Variants in CLASP2 observed in about 807,000 individuals in gnomAD.
CLASP2 encodes the protein cytoplasmic linker associated protein 2.
A neutral mutation model predicts 194.4 loss-of-function variants in CLASP2; 47 were observed. The observed-to-expected ratio is 0.24, with a 90% CI of 0.19 to 0.31. The LOEUF is 0.31. Ranked by LOEUF, CLASP2 falls within the 10% of genes least tolerant of loss-of-function variation. The pLI is 1.00. For synonymous variants in CLASP2, 619 were observed against 633.5 expected, an observed-to-expected ratio of 0.98 and a Z score of 0.34; for missense variants, 1,445 against 1,823.6, an observed-to-expected ratio of 0.79 and a Z score of 3.78.
chr3:33,683,827 C>T (rs2090197154), intron 6 of CLASP2, among the ~76,000 whole-genome samples: 1 of 150,152 alleles, frequency 6.7e-6, no homozygotes, highest in Non-Finnish European at 1.5e-5. Flanking sequence ...GTAGTCCCAG[C>T]TACTTGGGAG....
intron 6 of CLASP2, among the ~76,000 whole-genome samples, chr3:33,673,200 G>A (rs961671400): frequency 2.0e-5 from 3 of 152,150 alleles, no homozygotes; most frequent in Non-Finnish European, 4.4e-5. Context: ...GAGAAAGGTC[G>A]GGTTACCCAC....
At chr3:33,575,753 CTTTCT>C (rs1415948572) in intron 24 of CLASP2, among the ~76,000 whole-genome samples, 2 of 151,686 alleles carry the variant, frequency 1.3e-5, no homozygotes, top group Non-Finnish European at 2.9e-5. Flanking sequence ...TGAGGTTGTA[CTTTCT>C]TTTAGTTCAA....
intron 27 of CLASP2, among the ~76,000 whole-genome samples, chr3:33,566,286 T>G (rs1480877256): frequency 1.3e-5 from 2 of 152,224 alleles, no homozygotes; most frequent in Non-Finnish European, 2.9e-5. Context: ...GGAATGACAT[T>G]AATAAAATGT....
At chr3:33,634,768 T>C (rs1484796551) in intron 8 of CLASP2, among the ~76,000 whole-genome samples, 3 of 152,152 alleles carry the variant, frequency 2.0e-5, no homozygotes, top group Non-Finnish European at 2.9e-5. Context: ...TTTCAAAACA[T>C]GTGGTACACA....
intron 12 of CLASP2, among the ~76,000 whole-genome samples, chr3:33,614,904 T>C (rs149248457): frequency 2.3e-4 from 35 of 152,146 alleles, no homozygotes; most frequent in East Asian, 1.6e-3. Context: ...GGCAGAAGAA[T>C]AGCTTGAACC....
At chr3:33,581,995 A>T in intron 22 of CLASP2, 67 bp from the exon 23 acceptor site, 1 of 1,206,824 alleles carries the variant, frequency 8.3e-7, no homozygotes, top group African/African-American at 1.5e-5. Context: ...ATTTTAAAAA[A>T]TTTTGTTTTT....
intron 21 of CLASP2, among the ~76,000 whole-genome samples, chr3:33,589,395 A>G (rs1471157694): frequency 1.3e-5 from 2 of 152,156 alleles, no homozygotes; most frequent in Non-Finnish European, 2.9e-5. Context: ...TGATACAAAG[A>G]TATGGTAAGA....
rs1212115209 is a variant in CLASP2 at position 33,501,757 on chromosome 3, A to G, written c.4329T>C (p.Asn1443=). ...AAGCTTTCCGAACACTGCTCTCTGAATTATCATAACCCTACGGAGAGAAGT... is the reference window on the plus strand; with the variant it reads ...AAGCTTTCCGAACACTGCTCTCTGAGTTATCATAACCCTACGGAGAGAAGT... ...IMPGLIQGYD[N]SESSVRKACV... The change falls in exon 38 of 39, where the codon AAT becomes AAC. Residue 1443 remains asparagine (N), a synonymous_variant. Transcript: ENST00000682230. The G allele has an allele frequency of 6.2e-7, 1 of 1,611,990 alleles. No individual in the cohort carries two copies. Among genetic ancestry groups the G allele is most frequent in the South Asian group, 1.1e-5 (1 of 91,024 alleles).
At position 33,560,933 on chromosome 3, in the gene CLASP2, T is replaced by C. The variant is rs1439469049; in HGVS notation, c.2805A>G (p.Ile935Met). ...CTTGAAGATCATCTTTGTGGACTTG[T>C]ATGAAATCCACTAGAGTCTCCAAAA... Reference protein sequence around the residue: ...SMFLETLVDFIQVHKDDLQDW... With the variant: ...SMFLETLVDFMQVHKDDLQDW... Residue 935 changes from isoleucine to methionine, a missense_variant, in exon 28 of 39, where the codon ATA becomes ATG. Around this residue, in one of 4 missense-constraint regions of CLASP2, gnomAD observed 732 missense variants for 987.9 expected, o/e 0.74. Coordinates refer to ENST00000682230, the MANE Select transcript of CLASP2 (RefSeq NM_001365631.1). 5 of 1,613,792 alleles carry C rather than the reference T, an allele frequency of 3.1e-6. No homozygotes were observed. The South Asian group carries it at 4.4e-5, about 14-fold the overall frequency.
At chr3:33,621,754 T>C (rs1321302951) in intron 11 of CLASP2, among the ~76,000 whole-genome samples, 1 of 152,182 alleles carries the variant, frequency 6.6e-6, no homozygotes, top group East Asian at 1.9e-4. Context: ...AAGTTAATGA[T>C]GCATGTTGTA....
intron 2 of CLASP2, among the ~76,000 whole-genome samples, chr3:33,690,982 T>C (rs985195490): frequency 7.9e-5 from 12 of 152,186 alleles, no homozygotes; most frequent in African/African-American, 2.4e-4. Flanking sequence ...GTGCACAATC[T>C]AGATCCCTCA....
At position 33,627,141 on chromosome 3, in the gene CLASP2, G is replaced by A; in HGVS notation, c.943-61C>T. ...TTGCCATGAACAATATCAAAATTATGCCCTGATGTTTAAAATAATCTTTCA... is the reference window on the plus strand; with the variant it reads ...TTGCCATGAACAATATCAAAATTATACCCTGATGTTTAAAATAATCTTTCA... On this transcript the variant is annotated intron_variant, in intron 9 of 38. Coordinates refer to ENST00000682230, the MANE Select transcript of CLASP2 (RefSeq NM_001365631.1). 4.3e-6 allele frequency: 4 copies of A among 924,278 alleles called. No individual in the cohort carries two copies. The Admixed American group carries it at 8.6e-5, about 20-fold the overall frequency. The allele number at this position is 924,278 out of a possible 1,614,324, so 57.3% of individuals were successfully genotyped here. A position where few individuals can be genotyped will look rare whatever the true frequency, so the allele number is the denominator to read the frequency against.
chr3:33,669,782 T>C (rs1020102685), intron 6 of CLASP2, among the ~76,000 whole-genome samples: 8 of 152,044 alleles, frequency 5.3e-5, no homozygotes, highest in Admixed American at 5.2e-4. Flanking sequence ...TAATGGTGAA[T>C]ATGTAGAATA....
In CLASP2 at chr3:33,498,525, A is replaced by G. The variant is rs970610049; in HGVS notation, c.*106T>C. Reference sequence around the variant, plus strand: ...ACGAAACAAAAAACTAAAACTGGGAAACAATAGTAAGTTCCAAAGGATGTG... The same window carrying G: ...ACGAAACAAAAAACTAAAACTGGGAGACAATAGTAAGTTCCAAAGGATGTG... On this transcript the variant is annotated 3_prime_UTR_variant, in exon 39 of 39. Transcript: ENST00000682230. 4 of 680,094 alleles carry G rather than the reference A, an allele frequency of 5.9e-6. No homozygotes were observed. The highest frequency in any genetic ancestry group is 1.0e-5 in the Non-Finnish European group (4 of 399,316). 42.1% of individuals were successfully genotyped at this position (680,094 alleles called of 1,614,324 possible). A position where few individuals can be genotyped will look rare whatever the true frequency, so the allele number is the denominator to read the frequency against.
At chr3:33,641,289 T>C (rs79029663) in intron 8 of CLASP2, among the ~76,000 whole-genome samples, 3,740 of 152,054 alleles carry the variant, frequency 0.025, 77 homozygotes, top group Non-Finnish European at 0.04. Context: ...CTAGTAACCA[T>C]TGAGCCAAAA....
chr3:33,523,248 A>G (rs2053632262), intron 34 of CLASP2, among the ~76,000 whole-genome samples: 1 of 152,198 alleles, frequency 6.6e-6, no homozygotes, highest in Admixed American at 6.5e-5. Context: ...CAGAAAAACT[A>G]TTTGAAAAAA....
rs2090944239 is a variant in CLASP2, at chr3:33,688,260, G to A, written c.470+17C>T. 3.3e-6 allele frequency: 5 copies of A among 1,512,782 alleles called. No homozygotes were observed. The highest frequency in any genetic ancestry group is 1.3e-5 in the South Asian group (1 of 77,350). 93.7% of individuals were successfully genotyped at this position (1,512,782 alleles called of 1,614,324 possible). On this transcript the variant is annotated intron_variant, in intron 4 of 38. Coordinates refer to ENST00000682230, the MANE Select transcript of CLASP2 (RefSeq NM_001365631.1). ...ATAAAAAACAAGACAGTTATTTTCA[G>A]TAATCATAAAACTTACATGTTTAAG...
chr3:33,592,023 A>C (rs1211601970), intron 21 of CLASP2, among the ~76,000 whole-genome samples: 1 of 152,198 alleles, frequency 6.6e-6, no homozygotes, highest in Non-Finnish European at 1.5e-5. Context: ...GAATGTGAAC[A>C]CCTTAATGCT....
At chr3:33,681,775 C>T (rs1036028214) in intron 6 of CLASP2, among the ~76,000 whole-genome samples, 4 of 152,196 alleles carry the variant, frequency 2.6e-5, no homozygotes, top group African/African-American at 9.7e-5. Context: ...TCCCTCCAAG[C>T]CTCAAGCTGA....
Sources: allele counts gnomAD v4.1 joint callset (sites outside exome capture counted in the v4.1 genomes callset), GRCh38; gene constraint gnomAD v4.1.1; regional missense constraint gnomAD v4.1.1; transcripts MANE v1.5; gene names NCBI Gene and HGNC (gene_info 2026-07-23, HGNC 2026-07-21).